ALK: variants seen among roughly 807,000 people sequenced by gnomAD.
The protein encoded by ALK is ALK receptor tyrosine kinase, also known as ALK tyrosine kinase receptor.
In ALK, 74 loss-of-function variants were observed where a neutral mutation model predicts 163.1. That is an observed-to-expected ratio of 0.45 (90% CI 0.38 to 0.55). ALK has a LOEUF of 0.55. Ranked by LOEUF, ALK falls within the 20% of genes least tolerant of loss-of-function variation. The probability of loss-of-function intolerance (pLI) is 0.00; values close to 1 mark genes in which losing one functional copy is unlikely to be tolerated. For synonymous variants in ALK, 960 were observed against 843.2 expected (o/e 1.14, Z -2.40); for missense variants, 2,063 against 2,105.3 (o/e 0.98, Z 0.39).
intron 3 of ALK, among the ~76,000 whole-genome samples, chr2:29,564,358 A>G (rs1674114302): frequency 6.6e-6 from 1 of 152,150 alleles, no homozygotes; most frequent in South Asian, 2.1e-4. Context: ...AGAAAAACAG[A>G]CACTGTCAAA....
chr2:29,423,026 A>G (rs1224852001), intron 4 of ALK, among the ~76,000 whole-genome samples: 1 of 151,884 alleles, frequency 6.6e-6, no homozygotes, highest in East Asian at 1.9e-4. Context: ...TGCTCTCCAT[A>G]GTTTTAAGAA....
At chr2:29,804,372 G>C (rs973637298) in intron 1 of ALK, among the ~76,000 whole-genome samples, 1 of 152,218 alleles carries the variant, frequency 6.6e-6, no homozygotes, top group Non-Finnish European at 1.5e-5. Flanking sequence ...CTGGATACAA[G>C]GTATGGATTT....
At chr2:29,742,483 A>G (rs1455626461) in intron 1 of ALK, among the ~76,000 whole-genome samples, 1 of 152,154 alleles carries the variant, frequency 6.6e-6, no homozygotes, top group Non-Finnish European at 1.5e-5. Flanking sequence ...TGCATTCATA[A>G]TAGAAAGGGG....
chr2:29,431,035 T>C (rs1026300632), intron 4 of ALK, among the ~76,000 whole-genome samples: 1 of 145,700 alleles, frequency 6.9e-6, no homozygotes, highest in African/African-American at 2.6e-5. Flanking sequence ...GGGATAAGAG[T>C]AAGAGTTCTT....
chr2:29,428,150 G>A (rs1426211714), intron 4 of ALK, among the ~76,000 whole-genome samples: 2 of 151,974 alleles, frequency 1.3e-5, no homozygotes, highest in Non-Finnish European at 2.9e-5. Context: ...GAAATTTATA[G>A]CTGTAAATGT....
chr2:29,824,825 G>T (rs920163122), intron 1 of ALK, among the ~76,000 whole-genome samples: 6 of 151,750 alleles, frequency 4.0e-5, no homozygotes, highest in African/African-American at 1.4e-4. Context: ...TGCTGAAATG[G>T]ATTAAGATTT....
At chr2:29,414,174 T>C (rs4233734) in intron 4 of ALK, among the ~76,000 whole-genome samples, 60,121 of 152,118 alleles carry the variant, frequency 0.4, 13,821 homozygotes, top group East Asian at 0.69. Context: ...GGACAATGGT[T>C]GATAGGTGGT....
intron 4 of ALK, among the ~76,000 whole-genome samples, chr2:29,504,884 C>T (rs1672274528): frequency 6.6e-6 from 1 of 152,118 alleles, no homozygotes; most frequent in Admixed American, 6.5e-5. Context: ...TTGCACCATC[C>T]TAATAGAAGG....
intron 1 of ALK, among the ~76,000 whole-genome samples, chr2:29,866,910 C>G (rs999744930): frequency 6.6e-6 from 1 of 152,158 alleles, no homozygotes; most frequent in South Asian, 2.1e-4. Context: ...TGGTGTGCAC[C>G]AGAATCAGAA....
At chr2:29,226,235 T>C (rs138968336) in intron 18 of ALK, among the ~76,000 whole-genome samples, 1,793 of 151,738 alleles carry the variant, frequency 0.012, 17 homozygotes, top group Non-Finnish European at 0.017. Context: ...TCCCAGCACT[T>C]TGGGAGGCCG....
chr2:29,374,856 C>CT (rs1481946222), intron 5 of ALK, among the ~76,000 whole-genome samples: 1 of 152,138 alleles, frequency 6.6e-6, no homozygotes, highest in African/African-American at 2.4e-5. Context: ...TGGAGTTGAA[C>CT]ATCCACCTGG....
intron 1 of ALK, among the ~76,000 whole-genome samples, chr2:29,751,323 T>C (rs1199684609): frequency 6.6e-6 from 1 of 152,212 alleles, no homozygotes; most frequent in Non-Finnish European, 1.5e-5. Flanking sequence ...TTAATTGTGC[T>C]AGGACATTAC....
chr2:29,301,153 T>G (rs1360272208), intron 8 of ALK, among the ~76,000 whole-genome samples: 2 of 152,224 alleles, frequency 1.3e-5, no homozygotes, highest in Non-Finnish European at 2.9e-5. Flanking sequence ...CTTGCCAGAT[T>G]TGCACCTGAC....
At chr2:29,918,725 C>T (rs952209451) in intron 1 of ALK, among the ~76,000 whole-genome samples, 2 of 152,140 alleles carry the variant, frequency 1.3e-5, no homozygotes, top group Admixed American at 6.5e-5. Context: ...TGTGTGTGCA[C>T]AAGCATGCAA....
chr2:29,313,388 T>A (rs1443595014), intron 8 of ALK, among the ~76,000 whole-genome samples: 1 of 152,124 alleles, frequency 6.6e-6, no homozygotes, highest in African/African-American at 2.4e-5. Context: ...AGTGGCAGTG[T>A]CCCCTTGGTG....
chr2:29,197,263 A>G (rs1432962884), intron 27 of ALK, among the ~76,000 whole-genome samples: 1 of 152,192 alleles, frequency 6.6e-6, no homozygotes, highest in Non-Finnish European at 1.5e-5. Flanking sequence ...TGGGCCTGGG[A>G]CACACATTCC....
intron 1 of ALK, among the ~76,000 whole-genome samples, chr2:29,847,267 A>G (rs1422941987): frequency 6.6e-6 from 1 of 152,136 alleles, no homozygotes; most frequent in Non-Finnish European, 1.5e-5. Flanking sequence ...TACTATCAGG[A>G]AAGTCGGGGA....
intron 3 of ALK, among the ~76,000 whole-genome samples, chr2:29,627,838 G>A (rs4476307): frequency 6.6e-6 from 1 of 152,170 alleles, no homozygotes; most frequent in Non-Finnish European, 1.5e-5. Context: ...AAGAGATCTT[G>A]TGTGTTTAAA....
intron 1 of ALK, among the ~76,000 whole-genome samples, chr2:29,826,704 T>C (rs1665212731): frequency 6.6e-6 from 1 of 152,208 alleles, no homozygotes; most frequent in Non-Finnish European, 1.5e-5. Context: ...CCCTCCATGA[T>C]TAATCAGAGC....
Sources: gnomAD v4.1 joint callset for allele counts (sites outside exome capture counted in the v4.1 genomes callset) on GRCh38, gnomAD v4.1.1 for gene constraint, MANE v1.5 for transcripts, NCBI Gene and HGNC (gene_info 2026-07-23, HGNC 2026-07-21) for gene names.